The following KLHL41 variants were observed in gnomAD, a reference collection of about 807,000 sequenced individuals.
KLHL41 encodes kelch like family member 41, also known as kelch-like protein 41.
In KLHL41, 31 loss-of-function variants were observed where a neutral mutation model predicts 49.2. That is an observed-to-expected ratio of 0.63 (90% confidence interval 0.47 to 0.85). The LOEUF (loss-of-function observed/expected upper bound fraction) is 0.85, where lower values mean the gene tolerates loss of function less well. KLHL41 is among the 40% of genes least tolerant of loss of function. KLHL41 has a pLI of 0.00. For missense variants in KLHL41, 663 were observed against 726.7 expected (o/e 0.91, Z 1.01); for synonymous variants, 218 against 258.5 (o/e 0.84, Z 1.50).
chr2:169,520,318 G>GTGTGTGTGTGTA (rs1684184307), intron 4 of KLHL41, among the ~76,000 whole-genome samples: 1 of 148,718 alleles, frequency 6.7e-6, no homozygotes, highest in African/African-American at 2.5e-5. Context: ...GTGTATGTGT[G>GTGTGTGTGTGTA]TGTGTGTGTG....
At chr2:169,515,039 T>TC in intron 3 of KLHL41, 78 bp downstream of exon 3, 3 of 883,224 alleles carry the variant, frequency 3.4e-6, no homozygotes, top group Admixed American at 3.1e-5. Flanking sequence ...TCTTTTCTTT[T>TC]TTTTTTTTTT....
chr2:169,524,504 T>A (rs1684267033), intron 5 of KLHL41, among the ~76,000 whole-genome samples: 2 of 151,244 alleles, frequency 1.3e-5, no homozygotes, highest in African/African-American at 2.4e-5. Context: ...TTCAAGCAGT[T>A]CTCTTGCCTC....
chr2:169,524,079 GAAAGTAAATAT>G (rs1684261578), intron 5 of KLHL41, among the ~76,000 whole-genome samples: 1 of 152,000 alleles, frequency 6.6e-6, no homozygotes, highest in African/African-American at 2.4e-5. Context: ...TGACCAAGCT[GAAAGTAAATAT>G]AACTGCCAGG....
At chr2:169,520,812 C>G in intron 4 of KLHL41, 49 bp from the exon 5 acceptor site, 3 of 1,374,516 alleles carry the variant, frequency 2.2e-6, no homozygotes, top group South Asian at 1.2e-5. Context: ...GTAAGTACAT[C>G]TGGCATTTCT....
rs370877619 is a variant in KLHL41 at position 169,520,922 on chromosome 2, G to C, written c.1624G>C (p.Gly542Arg). 5 of 1,613,588 alleles carry C rather than the reference G, an allele frequency of 3.1e-6. No homozygotes were observed. Among genetic ancestry groups the C allele is most frequent in the Non-Finnish European group, 4.2e-6 (5 of 1,179,642 alleles). ...RSSISLVSLA[G>R]SLYAIGGFAM... ...CTCCATCAGTTTGGTCAGCCTGGCTGGATCTCTGTATGCAATTGGTGGTTT... is the reference window on the plus strand; with the variant it reads ...CTCCATCAGTTTGGTCAGCCTGGCTCGATCTCTGTATGCAATTGGTGGTTT... The change falls in exon 5 of 6, where the codon GGA (glycine) becomes CGA (arginine). Residue 542 changes from glycine to arginine, a missense_variant. Gly to Arg is a moderately radical substitution (Grantham distance 125). Coordinates refer to ENST00000284669, the MANE Select transcript of KLHL41 (RefSeq NM_006063.3).
intron 5 of KLHL41, among the ~76,000 whole-genome samples, chr2:169,523,954 T>G (rs931234921): frequency 1.6e-4 from 24 of 147,964 alleles, no homozygotes; most frequent in African/African-American, 6.1e-4. Flanking sequence ...TAACCACACA[T>G]GCAGAGGTGA....
chr2:169,511,833 C>T (rs1369571886), intron 1 of KLHL41, among the ~76,000 whole-genome samples: 4 of 152,166 alleles, frequency 2.6e-5, no homozygotes, highest in Non-Finnish European at 5.9e-5. Context: ...AAAATTAATT[C>T]TCCTAAACCA....
At position 169,509,764 on chromosome 2, in the gene KLHL41, C is replaced by G; in HGVS notation, c.-15C>G. ...GGCCTTCAGTGTCCCCTTCCTTACC[C>G]AGGTTTCTCACAGAATGGATTCCCA... On this transcript the variant is annotated 5_prime_UTR_variant, in exon 1 of 6. Coordinates refer to ENST00000284669, the MANE Select transcript of KLHL41 (RefSeq NM_006063.3). 1 of 1,600,398 alleles carries G rather than the reference C, an allele frequency of 6.2e-7. No homozygotes were observed. Among genetic ancestry groups the G allele is most frequent in the Non-Finnish European group, 8.5e-7 (1 of 1,176,132 alleles).
chr2:169,514,313 T>A (rs1684073317), intron 1 of KLHL41: 2 of 323,374 alleles, frequency 6.2e-6, no homozygotes, highest in South Asian at 1.3e-4. Context: ...GTAATTAACC[T>A]CTGGTGATTC....
At chr2:169,514,770 G>T in intron 2 of KLHL41, 39 bp downstream of exon 2, 1 of 1,602,962 alleles carries the variant, frequency 6.2e-7, no homozygotes. Context: ...AAGCATTCAA[G>T]TATATGCGTG....
chr2:169,521,079 A>G, intron 5 of KLHL41, 72 bp downstream of exon 5: 1 of 1,427,584 alleles, frequency 7.0e-7, no homozygotes. Flanking sequence ...TTTGTAGTAA[A>G]CAATAAGCCA....
chr2:169,511,655 C>T (rs1372279988), intron 1 of KLHL41, among the ~76,000 whole-genome samples: 5 of 151,972 alleles, frequency 3.3e-5, no homozygotes, highest in Non-Finnish European at 7.4e-5. Context: ...ATATATATTC[C>T]ACACACTTTG....
rs1476641029 is a variant in KLHL41, at chr2:169,513,514, C to T, written c.1111-1060C>T. ...ATTAGTGAATGCAAAGCTAAGAATG[C>T]ACATGTGGAGATTAAACTTCTCATG... On this transcript the variant is annotated intron_variant, in intron 1 of 5. Transcript: ENST00000284669. Among the ~76,000 whole-genome samples, 5 of 152,170 alleles carry T rather than the reference C, an allele frequency of 3.3e-5. No homozygotes were observed. The East Asian group carries it at 9.6e-4, about 29-fold the overall frequency.
chr2:169,510,964 A>G lies in KLHL41; in HGVS notation c.1110+76A>G. 7.9e-7 allele frequency: 1 copy of G among 1,265,936 alleles called. No homozygotes were observed. Among genetic ancestry groups the G allele is most frequent in the Non-Finnish European group, 1.1e-6 (1 of 898,592 alleles). 78.4% of individuals were successfully genotyped at this position (1,265,936 alleles called of 1,614,324 possible). A position where few individuals can be genotyped will look rare whatever the true frequency, so the allele number is the denominator to read the frequency against. Reference sequence around the variant, plus strand: ...CACCATCCAGTTAGCCAATTTGTGAATTATTCAAGCTGCTTGCATTTTACT... The same window carrying G: ...CACCATCCAGTTAGCCAATTTGTGAGTTATTCAAGCTGCTTGCATTTTACT... On this transcript the variant is annotated intron_variant, in intron 1 of 5. Coordinates refer to ENST00000284669, the MANE Select transcript of KLHL41 (RefSeq NM_006063.3). This position sits in a 1 kb window ranked among gnomAD's most constrained non-coding sequence, Gnocchi z 4.2.
intron 1 of KLHL41, 149 bp downstream of exon 1, chr2:169,511,037 G>A (rs779210560): frequency 1.5e-4 from 99 of 655,598 alleles, no homozygotes; most frequent in Middle Eastern, 1.1e-3. Flanking sequence ...TGTATAGAGC[G>A]TTGACAGAAA....
At position 169,522,372 on chromosome 2, in the gene KLHL41, C is replaced by T. The variant is rs185872132; in HGVS notation, c.1709+1365C>T. On this transcript the variant is annotated intron_variant, in intron 5 of 5. Coordinates refer to ENST00000284669, the MANE Select transcript of KLHL41 (RefSeq NM_006063.3). ...TATGCAAGGAAATTAACTACTTTCC[C>T]TCCTCCCCCCAAAAAAGAGGGAGAA... 3.3e-5 allele frequency among the ~76,000 whole-genome samples: 5 copies of T among 152,102 alleles called. No homozygotes were observed. In the East Asian group the frequency reaches 9.6e-4, roughly 29 times the overall value.
Position 169,509,756 on chromosome 2 carries a change from T to A in KLHL41, c.-23T>A. 1 of 1,595,316 alleles carries A rather than the reference T, an allele frequency of 6.3e-7. No individual in the cohort carries two copies. The highest frequency in any genetic ancestry group is 8.5e-7 in the Non-Finnish European group (1 of 1,174,510). ...GGAGCTAAGGCCTTCAGTGTCCCCT[T>A]CCTTACCCAGGTTTCTCACAGAATG... On this transcript the variant is annotated 5_prime_UTR_variant, in exon 1 of 6. Coordinates refer to ENST00000284669, the MANE Select transcript of KLHL41 (RefSeq NM_006063.3).
intron 4 of KLHL41, among the ~76,000 whole-genome samples, chr2:169,519,358 A>AT (rs1438945736): frequency 6.6e-6 from 1 of 152,186 alleles, no homozygotes; most frequent in African/African-American, 2.4e-5. Flanking sequence ...AGACTTTAGT[A>AT]TCTGAAAATT....
Position 169,510,038 on chromosome 2 carries a change from T to C in KLHL41, c.260T>C (p.Ile87Thr). The change falls in exon 1 of 6, where the codon ATC (isoleucine) becomes ACC (threonine). Residue 87 changes from isoleucine (I) to threonine (T), a missense_variant. Physicochemically the swap from Ile to Thr is moderately conservative, Grantham distance 89. This residue lies in a region of KLHL41 where 129 missense variants were observed against 122.1 expected (regional missense o/e 1.06). Transcript: ENST00000284669. The surrounding 1 kb of genome is among the most constrained non-coding windows in gnomAD (Gnocchi z 4.2). ...DNVDPAILDL[I>T]IKYLYSASID... ...GTGGATCCTGCTATACTTGATTTAA[T>C]CATCAAATACCTGTACTCTGCCAGT... is the stretch of plus-strand genomic sequence containing the variant. 6.2e-7 allele frequency: 1 copy of C among 1,614,194 alleles called. No homozygotes were observed. The highest frequency in any genetic ancestry group is 8.5e-7 in the Non-Finnish European group (1 of 1,180,036).
Sources: allele counts gnomAD v4.1 joint callset (sites outside exome capture counted in the v4.1 genomes callset), GRCh38; gene constraint gnomAD v4.1.1; regional missense constraint gnomAD v4.1.1; non-coding constraint Gnocchi (gnomAD v3.1); transcripts MANE v1.5; gene names NCBI Gene and HGNC (gene_info 2026-07-23, HGNC 2026-07-21).